Variants in INTS4 observed in about 807,000 individuals in gnomAD.
INTS4 encodes integrator complex subunit 4, also known as MSTP093.
Under a neutral mutation model 119.5 loss-of-function variants are expected in INTS4, and 70 were observed. That is an observed-to-expected ratio of 0.59 (90% CI 0.48 to 0.71). The LOEUF (loss-of-function observed/expected upper bound fraction) is 0.71, where lower values mean the gene tolerates loss of function less well. Ranked by LOEUF, INTS4 falls within the 30% of genes least tolerant of loss-of-function variation. The pLI is 0.00. For missense variants in INTS4, 867 were observed against 1,173.2 expected (o/e 0.74, Z 3.81); for synonymous variants, 316 against 419.6 (o/e 0.75, Z 3.02).
chr11:77,974,754 C>T lies in INTS4; in HGVS notation c.471+4242G>A, dbSNP rs542213909. On this transcript the variant is annotated intron_variant, in intron 4 of 22. Transcript: ENST00000534064. ...GTAGCTGGACTACAGGTACAAGCCA[C>T]CAGACCCGGCTAATTTTTTTGTTTT... 2.0e-5 allele frequency among the ~76,000 whole-genome samples: 3 copies of T among 152,078 alleles called. No individual in the cohort carries two copies. The East Asian group carries it at 5.8e-4, about 29-fold the overall frequency.
rs1565272782 is a variant in INTS4, at chr11:77,958,693, G to A, written c.797+53C>T. ...GAAGTGGGCTTTTTGCATGGTGAGA[G>A]GAGAGGAAAACGGCTTCACAATCAA... On this transcript the variant is annotated intron_variant, in intron 7 of 22. Coordinates refer to ENST00000534064, the MANE Select transcript of INTS4 (RefSeq NM_033547.4). 6 of 1,059,868 alleles carry A rather than the reference G, an allele frequency of 5.7e-6. No individual in the cohort carries two copies. In the East Asian group the frequency reaches 1.4e-4, roughly 25 times the overall value. 65.7% of individuals were successfully genotyped at this position (1,059,868 alleles called of 1,614,324 possible).
At chr11:77,923,129 C>T (rs1953403979) in intron 12 of INTS4, among the ~76,000 whole-genome samples, 1 of 152,002 alleles carries the variant, frequency 6.6e-6, no homozygotes, top group Admixed American at 6.6e-5. Context: ...ACCATCCTGG[C>T]CAACATGGTG....
intron 21 of INTS4, among the ~76,000 whole-genome samples, chr11:77,886,837 C>A (rs898293687): frequency 2.0e-5 from 3 of 152,094 alleles, no homozygotes; most frequent in African/African-American, 7.2e-5. Context: ...ACAACCTGCT[C>A]CTGAATGACT....
intron 10 of INTS4, among the ~76,000 whole-genome samples, chr11:77,933,144 A>T (rs1044643625): frequency 2.0e-5 from 3 of 152,100 alleles, no homozygotes; most frequent in African/African-American, 7.2e-5. Flanking sequence ...GCAAACTGAA[A>T]ACTGTATAAC....
intron 22 of INTS4, 23 bp from the exon 23 acceptor site, chr11:77,879,150 C>A: frequency 6.2e-7 from 1 of 1,611,988 alleles, no homozygotes. Flanking sequence ...TAAAAGAAAT[C>A]CTCTATAACT....
At chr11:77,889,189 C>G (rs544718132) in intron 21 of INTS4, among the ~76,000 whole-genome samples, 24 of 152,078 alleles carry the variant, frequency 1.6e-4, no homozygotes, top group African/African-American at 5.6e-4. Flanking sequence ...TGTCCAACAA[C>G]GATAGACTGG....
intron 11 of INTS4, among the ~76,000 whole-genome samples, chr11:77,925,855 C>T (rs934724299): frequency 1.2e-4 from 19 of 152,176 alleles, no homozygotes; most frequent in African/African-American, 4.6e-4. Context: ...CTAGCTGTTG[C>T]CTCTACCTGA....
chr11:77,958,690 A>C, intron 7 of INTS4, 56 bp downstream of exon 7: 10 of 1,009,252 alleles, frequency 9.9e-6, no homozygotes, highest in Middle Eastern at 3.1e-4. Context: ...TTGCATGGTG[A>C]GAGGAGAGGA....
At chr11:77,972,153 A>G (rs993270565) in intron 4 of INTS4, among the ~76,000 whole-genome samples, 1 of 152,176 alleles carries the variant, frequency 6.6e-6, no homozygotes, top group African/African-American at 2.4e-5. Context: ...GCTGGACTGC[A>G]GTAGCGCAGT....
intron 12 of INTS4, among the ~76,000 whole-genome samples, chr11:77,924,275 C>T (rs191363688): frequency 1.1e-3 from 171 of 150,528 alleles, no homozygotes; most frequent in African/African-American, 3.9e-3. Context: ...TGGCATGCAA[C>T]CTATAATCCC....
Position 77,928,600 on chromosome 11 carries a change from G to A in INTS4, c.1166-53C>T, listed in dbSNP as rs189616710. Reference sequence around the variant, plus strand: ...CATCAGGCTGGGCACAGTGGCTCACGCCTGTAATCCCAGCACTTTGGGAGG... The same window carrying A: ...CATCAGGCTGGGCACAGTGGCTCACACCTGTAATCCCAGCACTTTGGGAGG... On this transcript the variant is annotated intron_variant, in intron 10 of 22. Coordinates refer to ENST00000534064, the MANE Select transcript of INTS4 (RefSeq NM_033547.4). 8.7e-4 allele frequency: 1,338 copies of A among 1,542,994 alleles called. 11 individuals carry two copies. The African/African-American group carries it at 0.015, about 17-fold the overall frequency.
chr11:77,915,895 G>A lies in INTS4; in HGVS notation c.1922+2926C>T, dbSNP rs541372589. Among the ~76,000 whole-genome samples the A allele has an allele frequency of 3.9e-5, 6 of 152,336 alleles. No homozygotes were observed. The South Asian group carries it at 1.0e-3, about 26-fold the overall frequency. On this transcript the variant is annotated intron_variant, in intron 15 of 22. Coordinates refer to ENST00000534064, the MANE Select transcript of INTS4 (RefSeq NM_033547.4). ...TTGCATAGGGAATAATGTTAAGTGG[G>A]AAGAAAGGCAGAATGCAAGACATGG...
At position 77,991,167 on chromosome 11, in the gene INTS4, G is replaced by A. The variant is rs1449930431; in HGVS notation, c.187C>T (p.Pro63Ser). Residue 63 changes from proline (P) to serine (S), a missense_variant, in exon 2 of 23, where the codon CCT (proline) becomes TCT (serine). Coordinates refer to ENST00000534064, the MANE Select transcript of INTS4 (RefSeq NM_033547.4). ...LQYLLQFARK[P>S]VEAESVEGVV... is the part of the protein sequence containing the mutation. ...CCCTCTACGCTTTCCGCCTCGACAG[G>A]CTTCCTGGCAAACTGGAGCAAGTAT... 6.2e-7 allele frequency: 1 copy of A among 1,614,146 alleles called. No individual in the cohort carries two copies. Among genetic ancestry groups the A allele is most frequent in the Admixed American group, 1.7e-5 (1 of 60,014 alleles).
chr11:77,988,684 T>C (rs778063167), intron 2 of INTS4, among the ~76,000 whole-genome samples: 13 of 152,230 alleles, frequency 8.5e-5, no homozygotes, highest in Non-Finnish European at 1.8e-4. Flanking sequence ...CAAGTCACCA[T>C]TTATAACATA....
chr11:77,926,206 T>C (rs566160122), intron 11 of INTS4, among the ~76,000 whole-genome samples: 1 of 149,482 alleles, frequency 6.7e-6, no homozygotes, highest in African/African-American at 2.4e-5. Flanking sequence ...AAAAGGCAAA[T>C]TCCAGCTGGA....
chr11:77,917,319 C>CT (rs59309476), intron 15 of INTS4, among the ~76,000 whole-genome samples: 20,350 of 144,938 alleles, frequency 0.14, 1,601 homozygotes, highest in East Asian at 0.26. Context: ...TTCCTTCTTT[C>CT]TTTTTTTTTT....
intron 8 of INTS4, among the ~76,000 whole-genome samples, chr11:77,947,928 C>T (rs1238318312): frequency 1.3e-5 from 2 of 152,174 alleles, no homozygotes; most frequent in East Asian, 1.9e-4. Flanking sequence ...ACTGCAGCCT[C>T]AATCTTCCAG....
In INTS4 at chr11:77,950,496, TG is replaced by T. The variant is rs555887049; in HGVS notation, c.918+5445del. Among the ~76,000 whole-genome samples, 15 of 152,230 alleles carry T rather than the reference TG, an allele frequency of 9.9e-5. No individual in the cohort carries two copies. The South Asian group carries it at 3.1e-3, about 32-fold the overall frequency. ...AGTCACAATGAAGAGAAATAAATTCTGGTGTTCAACTGCACATAAAGGTGAC... is the reference window on the plus strand; with the variant it reads ...AGTCACAATGAAGAGAAATAAATTCTGTGTTCAACTGCACATAAAGGTGAC... On this transcript the variant is annotated intron_variant, in intron 8 of 22. Transcript: ENST00000534064.
chr11:77,947,633 T>C (rs1954080257), intron 8 of INTS4, among the ~76,000 whole-genome samples: 1 of 152,210 alleles, frequency 6.6e-6, no homozygotes. Flanking sequence ...ATATGTCATA[T>C]AAAATTTTCA....
Sources: allele counts gnomAD v4.1 joint callset (sites outside exome capture counted in the v4.1 genomes callset), GRCh38; gene constraint gnomAD v4.1.1; transcripts MANE v1.5; gene names NCBI Gene and HGNC (gene_info 2026-07-23, HGNC 2026-07-21).